Variants in AOX1 observed in about 807,000 individuals in gnomAD.
The protein encoded by AOX1 is aldehyde oxidase.
In AOX1, 153 loss-of-function variants were observed where a neutral mutation model predicts 169.5. That is an observed-to-expected ratio of 0.90 (90% confidence interval 0.79 to 1.03). AOX1 has a LOEUF of 1.03. Among genes scored for constraint, AOX1 ranks in the 50% least tolerant of loss-of-function variants. The probability of loss-of-function intolerance (pLI) is 0.00; values close to 1 mark genes in which losing one functional copy is unlikely to be tolerated. For synonymous variants in AOX1, 562 were observed against 581.9 expected (o/e 0.97, Z 0.49); for missense variants, 1,656 against 1,663.9 (o/e 1.00, Z 0.08).
chr2:200,680,577 GCT>G (rs2105785105), downstream of AOX1, among the ~76,000 whole-genome samples: 1 of 132,480 alleles, frequency 7.5e-6, no homozygotes, highest in South Asian at 2.4e-4. Flanking sequence ...GCAGAATCTT[GCT>G]CTGTTGCCCA....
In AOX1 at chr2:200,620,742, C is replaced by T. The variant is rs1481363472; in HGVS notation, c.1797C>T (p.Tyr599=). Residue 599 remains tyrosine, a synonymous_variant, in exon 17 of 35, where the codon TAC becomes TAT. Transcript: ENST00000374700. ...AGCATGCCACGGGGGAGGCCATCTA[C>T]TGTGATGACATGCCTCTGGTGGACC... is the stretch of plus-strand genomic sequence containing the variant. ...GVKHATGEAI[Y]CDDMPLVDQE... 3.1e-6 allele frequency: 5 copies of T among 1,608,678 alleles called. No individual in the cohort carries two copies. Among genetic ancestry groups the T allele is most frequent in the Non-Finnish European group, 4.2e-6 (5 of 1,178,326 alleles).
intron 4 of AOX1, 29 bp from the exon 5 acceptor site, chr2:200,599,591 C>CT: frequency 6.3e-7 from 1 of 1,578,520 alleles, no homozygotes; most frequent in Non-Finnish European, 8.6e-7. Context: ...GCCCCAAATT[C>CT]TGCATTTCTA....
rs768420467 is a variant in AOX1 at position 200,620,669 on chromosome 2, A to G, written c.1724A>G (p.His575Arg). The part of the protein sequence containing the change: ...LKYQNIGPKQ[H>R]PEDPIGHPIM... ...AAACAGAATATAGGCCCAAAGCAGC[A>G]TCCTGAAGACCCAATTGGCCACCCC... The change falls in exon 17 of 35, where the codon CAT becomes CGT. Residue 575 changes from histidine (H) to arginine (R), a missense_variant. Physicochemically the swap from His to Arg is conservative, Grantham distance 29 (BLOSUM62 0). Coordinates refer to ENST00000374700, the MANE Select transcript of AOX1 (RefSeq NM_001159.4). 2.5e-5 allele frequency: 39 copies of G among 1,557,204 alleles called. No individual in the cohort carries two copies. Among genetic ancestry groups the G allele is most frequent in the Non-Finnish European group, 4.3e-6 (5 of 1,162,040 alleles).
chr2:200,605,773 C>A, intron 10 of AOX1, 145 bp downstream of exon 10: 1 of 426,706 alleles, frequency 2.3e-6, no homozygotes, highest in Non-Finnish European at 4.1e-6. Flanking sequence ...GTTTGTTGGC[C>A]ACATAAATGT....
At chr2:200,635,342 G>C (rs1485135534) in intron 21 of AOX1, among the ~76,000 whole-genome samples, 1 of 152,166 alleles carries the variant, frequency 6.6e-6, no homozygotes, top group South Asian at 2.1e-4. Flanking sequence ...AGGAACACAA[G>C]AGAAGAAAGA....
intron 19 of AOX1, among the ~76,000 whole-genome samples, chr2:200,624,981 G>C (rs1257010049): frequency 1.3e-5 from 2 of 152,216 alleles, no homozygotes; most frequent in African/African-American, 4.8e-5. Flanking sequence ...GGCACGATCA[G>C]TGTCTCCAGG....
At chr2:200,592,604 A>G (rs1035433555) in intron 1 of AOX1, among the ~76,000 whole-genome samples, 3 of 152,200 alleles carry the variant, frequency 2.0e-5, no homozygotes, top group African/African-American at 7.2e-5. Flanking sequence ...ACAGTTTTGC[A>G]TCACTTAGCA....
chr2:200,599,786 T>G (rs1373412361), intron 5 of AOX1, 40 bp downstream of exon 5: 2 of 1,353,338 alleles, frequency 1.5e-6, no homozygotes, highest in Non-Finnish European at 1.9e-6. Flanking sequence ...TAATTTTTAT[T>G]TATTTATTTA....
intron 25 of AOX1, among the ~76,000 whole-genome samples, chr2:200,647,160 A>G (rs1017685059): frequency 5.3e-5 from 8 of 151,758 alleles, no homozygotes; most frequent in African/African-American, 1.5e-4. Flanking sequence ...GCTTTTTAAC[A>G]TGTATTTATG....
At chr2:200,596,605 A>G (rs976506094) in intron 3 of AOX1, among the ~76,000 whole-genome samples, 2 of 152,238 alleles carry the variant, frequency 1.3e-5, no homozygotes, top group East Asian at 1.9e-4. Context: ...ACATGCAACC[A>G]TTCAAAATTT....
intron 19 of AOX1, among the ~76,000 whole-genome samples, chr2:200,625,759 C>CT (rs1160337601): frequency 6.6e-6 from 1 of 151,830 alleles, no homozygotes; most frequent in Non-Finnish European, 1.5e-5. Context: ...TAAAACCTAG[C>CT]TTTTTTTTCA....
intron 31 of AOX1, among the ~76,000 whole-genome samples, chr2:200,664,304 AG>A (rs1559262057): frequency 6.6e-6 from 1 of 152,156 alleles, no homozygotes; most frequent in Non-Finnish European, 1.5e-5. Context: ...TTGTATTTTT[AG>A]TACAGACATG....
At chr2:200,679,849 A>G (rs1361707931), downstream of AOX1, among the ~76,000 whole-genome samples, 2 of 152,082 alleles carry the variant, frequency 1.3e-5, no homozygotes, top group African/African-American at 4.8e-5. Flanking sequence ...TGGGAGGCCG[A>G]GGTGGGAGGA....
At chr2:200,611,806 G>A (rs1441061964) in intron 13 of AOX1, among the ~76,000 whole-genome samples, 17 of 151,356 alleles carry the variant, frequency 1.1e-4, no homozygotes, top group Admixed American at 1.1e-3. Context: ...CCAGGTTCAA[G>A]CGATCCTCCT....
At chr2:200,668,989 T>G (rs2035975740) in intron 33 of AOX1, among the ~76,000 whole-genome samples, 186 bp downstream of exon 33, 1 of 152,186 alleles carries the variant, frequency 6.6e-6, no homozygotes, top group Non-Finnish European at 1.5e-5. Context: ...TCTTAGAACT[T>G]AACATCAACT....
intron 27 of AOX1, 106 bp from the exon 28 acceptor site, chr2:200,659,059 C>G: frequency 9.3e-7 from 1 of 1,079,794 alleles, no homozygotes; most frequent in East Asian, 2.8e-5. Flanking sequence ...GCTCCCTTGT[C>G]CCTGTCATGG....
At chr2:200,643,398 C>CACATATAT (rs142362161) in intron 25 of AOX1, among the ~76,000 whole-genome samples, 4 of 148,794 alleles carry the variant, frequency 2.7e-5, no homozygotes, top group East Asian at 4.0e-4. Flanking sequence ...CACACACACA[C>CACATATAT]ATATATATAT....
chr2:200,599,545 A>G, intron 4 of AOX1, 75 bp from the exon 5 acceptor site: 1 of 1,195,968 alleles, frequency 8.4e-7, no homozygotes, highest in Non-Finnish European at 1.2e-6. Context: ...GGATCTTGCT[A>G]GAATGCAGGC....
At chr2:200,586,273 G>A in intron 1 of AOX1, 120 bp downstream of exon 1, 1 of 1,113,578 alleles carries the variant, frequency 9.0e-7, no homozygotes. Flanking sequence ...GGCACGGACT[G>A]GCTTTCTCCC....
Sources: allele counts gnomAD v4.1 joint callset (sites outside exome capture counted in the v4.1 genomes callset), GRCh38; gene constraint gnomAD v4.1.1; transcripts MANE v1.5; gene names NCBI Gene and HGNC (gene_info 2026-07-23, HGNC 2026-07-21).